Variants in RBFOX1 observed in about 807,000 individuals in gnomAD.
RBFOX1 encodes RNA binding fox-1 homolog 1.
RBFOX1 carries 8 observed loss-of-function variants against 57.7 expected under a neutral mutation model. The ratio of observed to expected loss-of-function variants is 0.14; its 90% confidence interval spans 0.08 to 0.25. The LOEUF is 0.25. Among genes scored for constraint, RBFOX1 ranks in the 10% least tolerant of loss-of-function variants. The pLI is 1.00. For synonymous variants in RBFOX1, 326 were observed against 222.4 expected (o/e 1.47, Z -4.15); for missense variants, 611 against 548.5 (o/e 1.11, Z -1.14).
intron 2 of RBFOX1, among the ~76,000 whole-genome samples, chr16:6,492,211 A>C (rs2095648214): frequency 6.6e-6 from 1 of 152,186 alleles, no homozygotes; most frequent in African/African-American, 2.4e-5. Context: ...TGAAACAGGC[A>C]TTTTATATAC....
chr16:5,724,700 C>T (rs2052070312), intron 3 of RBFOX1, among the ~76,000 whole-genome samples: 1 of 152,110 alleles, frequency 6.6e-6, no homozygotes, highest in Non-Finnish European at 1.5e-5. Context: ...ACAGAGAGCC[C>T]AGATGGGAAG....
intron 3 of RBFOX1, among the ~76,000 whole-genome samples, chr16:6,778,259 G>A (rs952273501): frequency 2.0e-5 from 3 of 152,046 alleles, no homozygotes; most frequent in East Asian, 3.8e-4. Context: ...ATGTTTTTCA[G>A]TGTTTTTTAT....
At chr16:7,189,424 T>TAAA (rs2084776021) in intron 4 of RBFOX1, among the ~76,000 whole-genome samples, 1 of 35,472 alleles carries the variant, frequency 2.8e-5, no homozygotes, top group Non-Finnish European at 4.4e-5. Flanking sequence ...AGACTCCCTC[T>TAAA]CAAAAAAAAA....
chr16:7,607,168 T>G, intron 9 of RBFOX1, 117 bp from the exon 10 acceptor site: 1 of 922,090 alleles, frequency 1.1e-6, no homozygotes, highest in Non-Finnish European at 1.6e-6. Flanking sequence ...CGACACCTCC[T>G]TTACATTTTA....
intron 4 of RBFOX1, among the ~76,000 whole-genome samples, chr16:7,407,317 T>C (rs1047216609): frequency 6.6e-6 from 1 of 151,924 alleles, no homozygotes; most frequent in African/African-American, 2.4e-5. Flanking sequence ...CTGCTAGGGA[T>C]AATGGGAATA....
At chr16:6,120,362 C>T (rs983397225) in intron 1 of RBFOX1, among the ~76,000 whole-genome samples, 1 of 152,196 alleles carries the variant, frequency 6.6e-6, no homozygotes, top group Non-Finnish European at 1.5e-5. Flanking sequence ...AGCTGTTTCC[C>T]ACAGCAGCCA....
intron 3 of RBFOX1, among the ~76,000 whole-genome samples, chr16:6,982,187 T>C (rs1373564903): frequency 6.6e-6 from 1 of 152,134 alleles, no homozygotes; most frequent in African/African-American, 2.4e-5. Context: ...GGCATCCAAT[T>C]TGAGAAACCT....
At chr16:5,571,721 C>G (rs1181950530) in intron 2 of RBFOX1, among the ~76,000 whole-genome samples, 1 of 152,208 alleles carries the variant, frequency 6.6e-6, no homozygotes, top group Non-Finnish European at 1.5e-5. Context: ...TGACAACCAC[C>G]TCCTCCTCGC....
intron 2 of RBFOX1, among the ~76,000 whole-genome samples, chr16:6,573,190 A>C (rs1213693453): frequency 6.6e-6 from 1 of 152,156 alleles, no homozygotes; most frequent in Non-Finnish European, 1.5e-5. Flanking sequence ...ATGTGAAGGG[A>C]AACAGTGCCC....
At chr16:6,641,938 T>C (rs75434525) in intron 2 of RBFOX1, among the ~76,000 whole-genome samples, 513 of 152,156 alleles carry the variant, frequency 3.4e-3, no homozygotes, top group African/African-American at 0.012. Flanking sequence ...TCTTCTCTTT[T>C]TTCCATTCTT....
At chr16:7,400,455 G>C (rs1415752605) in intron 4 of RBFOX1, among the ~76,000 whole-genome samples, 1 of 152,082 alleles carries the variant, frequency 6.6e-6, no homozygotes, top group Non-Finnish European at 1.5e-5. Flanking sequence ...AGAAAGTCCA[G>C]GTTGCTTTTT....
intron 2 of RBFOX1, among the ~76,000 whole-genome samples, chr16:6,318,703 T>A (rs2081398142): frequency 6.6e-6 from 1 of 152,178 alleles, no homozygotes; most frequent in African/African-American, 2.4e-5. Context: ...GAGCTCATGT[T>A]AATTTGTCTA....
intron 1 of RBFOX1, among the ~76,000 whole-genome samples, chr16:6,107,182 G>A (rs77434996): frequency 0.016 from 2,427 of 152,114 alleles, 73 homozygotes; most frequent in African/African-American, 0.055. Context: ...CCTTGCCATT[G>A]GTTTCTTCTG....
At chr16:6,422,838 A>G (rs956228165) in intron 2 of RBFOX1, among the ~76,000 whole-genome samples, 2 of 152,168 alleles carry the variant, frequency 1.3e-5, no homozygotes, top group African/African-American at 2.4e-5. Context: ...ACAATTTGAC[A>G]TGAGATTTGG....
intron 2 of RBFOX1, among the ~76,000 whole-genome samples, chr16:6,617,432 G>A (rs1000907756): frequency 1.3e-5 from 2 of 151,764 alleles, no homozygotes; most frequent in Non-Finnish European, 2.9e-5. Flanking sequence ...TGAGGAGGGG[G>A]TAGTTTGGGT....
At position 7,627,124 on chromosome 16, in the gene RBFOX1, C is replaced by CTTTT. The variant is rs58159930; in HGVS notation, c.677-3467_677-3464dup. Among the ~76,000 whole-genome samples, 36 of 128,372 alleles carry CTTTT rather than the reference C, an allele frequency of 2.8e-4. 3 individuals are homozygous for CTTTT. The highest frequency in any genetic ancestry group is 8.7e-4 in the African/African-American group (28 of 32,006). The allele number at this position is 128,372 out of a possible 152,430, so 84.2% of individuals were successfully genotyped here. ...AGGACAGGGGAAGCCCCTCCGCCTC[C>CTTTT]TTTTTTTTTTTTTTTCTTTTAAGTT... On this transcript the variant is annotated intron_variant, in intron 10 of 15. Coordinates refer to ENST00000550418, the MANE Select transcript of RBFOX1 (RefSeq NM_018723.4).
intron 4 of RBFOX1, among the ~76,000 whole-genome samples, chr16:7,065,863 T>C (rs1451898470): frequency 1.3e-5 from 2 of 152,152 alleles, no homozygotes; most frequent in Non-Finnish European, 2.9e-5. Flanking sequence ...ATGAGTTTAA[T>C]TTTTTTAGAC....
chr16:5,550,176 G>A (rs1251922147), intron 2 of RBFOX1, among the ~76,000 whole-genome samples: 1 of 152,238 alleles, frequency 6.6e-6, no homozygotes, highest in African/African-American at 2.4e-5. Context: ...AGTGTTGCGA[G>A]AGGGGCTGTG....
intron 1 of RBFOX1, among the ~76,000 whole-genome samples, chr16:6,265,137 G>C (rs1169045031): frequency 3.9e-5 from 6 of 152,104 alleles, no homozygotes; most frequent in Non-Finnish European, 8.8e-5. Flanking sequence ...CTATTTTCTA[G>C]ATGTTAGACA....
Sources: gnomAD v4.1 joint callset for allele counts (sites outside exome capture counted in the v4.1 genomes callset) on GRCh38, gnomAD v4.1.1 for gene constraint, MANE v1.5 for transcripts, NCBI Gene and HGNC (gene_info 2026-07-23, HGNC 2026-07-21) for gene names.